Variants in CCDC85C observed in about 807,000 individuals in gnomAD.
The protein encoded by CCDC85C is coiled-coil domain-containing protein 85C.
In CCDC85C, 18 loss-of-function variants were observed where a neutral mutation model predicts 38.3. That is an observed-to-expected ratio of 0.47 (90% confidence interval 0.33 to 0.70). The LOEUF (loss-of-function observed/expected upper bound fraction) is 0.70. Ranked by LOEUF, CCDC85C falls within the 30% of genes least tolerant of loss-of-function variation. The probability of loss-of-function intolerance (pLI) is 0.03; values close to 1 mark genes in which losing one functional copy is unlikely to be tolerated. For synonymous variants in CCDC85C, 264 were observed against 293.8 expected, an observed-to-expected ratio of 0.90 and a Z score of 1.04; for missense variants, 566 against 621.2, an observed-to-expected ratio of 0.91 and a Z score of 0.94.
At position 99,517,115 on chromosome 14, in the gene CCDC85C, C is replaced by A; in HGVS notation, c.1044G>T (p.Lys348Asn). The change falls in exon 4 of 6, where the codon AAG becomes AAT. Residue 348 changes from lysine (K) to asparagine (N), a missense_variant. Physicochemically the swap from Lys to Asn is moderately conservative, Grantham distance 94. This residue lies in a region of CCDC85C where 286 missense variants were observed against 276.4 expected (regional missense o/e 1.03). Coordinates refer to ENST00000380243, the MANE Select transcript of CCDC85C (RefSeq NM_001144995.2). The stretch of plus-strand genomic sequence containing the variant: ...TCATGGCATGCACGACAGCCTCGGG[C>A]TTCTGTCCTGCAGGGCTGTAGCCAG... ...PSAGYSPAGQ[K>N]PEAVVHAMKV... is the part of the protein sequence containing the mutation. 4 of 1,550,506 alleles carry A rather than the reference C, an allele frequency of 2.6e-6. No individual in the cohort carries two copies. Among genetic ancestry groups the A allele is most frequent in the Non-Finnish European group, 3.5e-6 (4 of 1,146,912 alleles).
chr14:99,580,218 C>G (rs2054951767), intron 1 of CCDC85C: 1 of 431,712 alleles, frequency 2.3e-6, no homozygotes. Flanking sequence ...CTCGGCAGGC[C>G]CAGCCCCCAG....
intron 1 of CCDC85C, among the ~76,000 whole-genome samples, chr14:99,571,037 G>GCCCTGCCAC (rs1898329280): frequency 6.6e-6 from 1 of 152,102 alleles, no homozygotes; most frequent in African/African-American, 2.4e-5. Context: ...TGTCCGGCCA[G>GCCCTGCCAC]CCCTGCCACC....
rs1231545511 is a variant in CCDC85C, at chr14:99,510,728, C to G, written c.*4518G>C. The G allele has an allele frequency of 1.4e-6, 2 of 1,438,532 alleles. No homozygotes were observed. The highest frequency in any genetic ancestry group is 5.2e-5 in the East Asian group (2 of 38,624). 89.1% of individuals were successfully genotyped at this position (1,438,532 alleles called of 1,614,324 possible). A position where few individuals can be genotyped will look rare whatever the true frequency, so the allele number is the denominator to read the frequency against. On this transcript the variant is annotated 3_prime_UTR_variant, in exon 6 of 6. Coordinates refer to ENST00000380243, the MANE Select transcript of CCDC85C (RefSeq NM_001144995.2). ...AGCCTCCTGTGCCCCCGCCCATTCCCCCACCCGGCATGCCTCCAGTTGGGG... is the reference window on the plus strand; with the variant it reads ...AGCCTCCTGTGCCCCCGCCCATTCCGCCACCCGGCATGCCTCCAGTTGGGG...
chr14:99,501,378 G>C lies in CCDC85C; in HGVS notation c.*13868C>G. 1 of 1,606,706 alleles carries C rather than the reference G, an allele frequency of 6.2e-7. No individual in the cohort carries two copies. On this transcript the variant is annotated 3_prime_UTR_variant, in exon 6 of 6. Transcript: ENST00000380243. ...TAGGTGATAAAAACAAAATTCAAAA[G>C]TTGGTTCAAATGGCATGGACATTTG...
intron 2 of CCDC85C, chr14:99,522,868 C>G (rs1445017691): frequency 6.6e-6 from 1 of 152,342 alleles, no homozygotes; most frequent in South Asian, 2.1e-4. Context: ...GGCCTTAGAC[C>G]CTTTGCTTAA....
chr14:99,527,247 T>C (rs1285621080), intron 2 of CCDC85C, among the ~76,000 whole-genome samples: 8 of 152,216 alleles, frequency 5.3e-5, no homozygotes, highest in African/African-American at 1.4e-4. Flanking sequence ...TCTGTCTGCA[T>C]GGCTGGACAG....
rs1333001178 is a variant in CCDC85C at position 99,511,139 on chromosome 14, T to C, written c.*4107A>G. 2.3e-5 allele frequency: 4 copies of C among 172,220 alleles called. No homozygotes were observed. The highest frequency in any genetic ancestry group is 9.5e-5 in the African/African-American group (4 of 42,306). The allele number at this position is 172,220 out of a possible 1,614,324, so 10.7% of individuals were successfully genotyped here. A position where few individuals can be genotyped will look rare whatever the true frequency, so the allele number is the denominator to read the frequency against. On this transcript the variant is annotated 3_prime_UTR_variant, in exon 6 of 6. Coordinates refer to ENST00000380243, the MANE Select transcript of CCDC85C (RefSeq NM_001144995.2). ...TAATTTCCTTCTAGAAATCAGTGCC[T>C]ATTTTTCCTGGAAACTCAATTTTAA...
rs1896979899 is a variant in CCDC85C, at chr14:99,506,522, TC to T, written c.*8723del. 1.3e-5 allele frequency: 2 copies of T among 153,880 alleles called. No individual in the cohort carries two copies. Among genetic ancestry groups the T allele is most frequent in the South Asian group, 4.1e-4 (2 of 4,916 alleles). 9.5% of individuals were successfully genotyped at this position (153,880 alleles called of 1,614,324 possible). ...TGGGCTTTTGTGAGCGGCACATTCT[TC>T]CTGCCATCAGTGTGTCAACCTCCAG... On this transcript the variant is annotated 3_prime_UTR_variant, in exon 6 of 6. Transcript: ENST00000380243.
In CCDC85C at chr14:99,571,995, G is replaced by A. The variant is rs138688307; in HGVS notation, c.793+31172C>T. On this transcript the variant is annotated intron_variant, in intron 1 of 5. Coordinates refer to ENST00000380243, the MANE Select transcript of CCDC85C (RefSeq NM_001144995.2). ...GGAGGGGACAAGGAGTGAGGCATGTGGGCCAAGGAGCTGGAGACTGCCTGC... is the reference window on the plus strand; with the variant it reads ...GGAGGGGACAAGGAGTGAGGCATGTAGGCCAAGGAGCTGGAGACTGCCTGC... 4.3e-3 allele frequency among the ~76,000 whole-genome samples: 659 copies of A among 152,316 alleles called. 2 individuals carry two copies. Among genetic ancestry groups the A allele is most frequent in the Middle Eastern group, 0.01 (3 of 292 alleles).
At chr14:99,551,647 G>A (rs1897911810) in intron 1 of CCDC85C, among the ~76,000 whole-genome samples, 1 of 148,100 alleles carries the variant, frequency 6.8e-6, no homozygotes, top group Non-Finnish European at 1.5e-5. Flanking sequence ...TGAGAGGTGA[G>A]TGTGCAGGTG....
At chr14:99,586,504 T>A (rs1392882020) in intron 1 of CCDC85C, among the ~76,000 whole-genome samples, 1 of 152,178 alleles carries the variant, frequency 6.6e-6, no homozygotes, top group East Asian at 1.9e-4. Flanking sequence ...CACTAGAATA[T>A]GCTAGAGTGG....
intron 1 of CCDC85C, among the ~76,000 whole-genome samples, chr14:99,583,541 T>C (rs1236055540): frequency 6.8e-6 from 1 of 148,028 alleles, no homozygotes; most frequent in East Asian, 2.0e-4. Context: ...GCACAGTGGC[T>C]CATGCCTGTT....
In CCDC85C at chr14:99,533,622, G is replaced by A. The variant is rs1245617431; in HGVS notation, c.867+2393C>T. On this transcript the variant is annotated intron_variant, in intron 2 of 5. Coordinates refer to ENST00000380243, the MANE Select transcript of CCDC85C (RefSeq NM_001144995.2). The surrounding 1 kb of genome is among the most constrained non-coding windows in gnomAD (Gnocchi z 4.2). ...CCCCAGCCATCAGGATCTGATGTCG[G>A]TGCCCTGCAGACCTGGCCCACGGAT... is the stretch of plus-strand genomic sequence containing the variant. Among the ~76,000 whole-genome samples, 2 of 152,238 alleles carry A rather than the reference G, an allele frequency of 1.3e-5. No homozygotes were observed. Among genetic ancestry groups the A allele is most frequent in the African/African-American group, 4.8e-5 (2 of 41,464 alleles).
chr14:99,522,429 C>T, intron 2 of CCDC85C, 189 bp from the exon 3 acceptor site: 1 of 525,590 alleles, frequency 1.9e-6, no homozygotes, highest in South Asian at 2.5e-5. Context: ...CTCCCCAGCT[C>T]AAATGTCAGC....
intron 1 of CCDC85C, among the ~76,000 whole-genome samples, chr14:99,597,953 A>G (rs1373538358): frequency 6.6e-6 from 1 of 152,228 alleles, no homozygotes; most frequent in Non-Finnish European, 1.5e-5. Flanking sequence ...GCCTCAGGAT[A>G]TAGATGAAGA....
At chr14:99,556,519 G>T (rs913756175) in intron 1 of CCDC85C, among the ~76,000 whole-genome samples, 2 of 152,062 alleles carry the variant, frequency 1.3e-5, no homozygotes, top group Non-Finnish European at 2.9e-5. Context: ...CTATATGAAA[G>T]TTCTCGTTCT....
intron 1 of CCDC85C, among the ~76,000 whole-genome samples, chr14:99,573,289 A>T (rs1417005671): frequency 6.6e-6 from 1 of 152,186 alleles, no homozygotes; most frequent in Non-Finnish European, 1.5e-5. Context: ...AGGAACCCTC[A>T]GGGAGCCGGC....
chr14:99,527,729 G>A (rs555099836), intron 2 of CCDC85C, among the ~76,000 whole-genome samples: 4 of 152,126 alleles, frequency 2.6e-5, no homozygotes, highest in Non-Finnish European at 4.4e-5. Context: ...CCTCCCTCAA[G>A]GACCCAGGCA....
At chr14:99,565,155 G>A (rs1898191392) in intron 1 of CCDC85C, among the ~76,000 whole-genome samples, 1 of 152,176 alleles carries the variant, frequency 6.6e-6, no homozygotes, top group Non-Finnish European at 1.5e-5. Context: ...ATGGCCACTT[G>A]GGGATGATGG....
Sources: allele counts gnomAD v4.1 joint callset (sites outside exome capture counted in the v4.1 genomes callset), GRCh38; gene constraint gnomAD v4.1.1; regional missense constraint gnomAD v4.1.1; non-coding constraint Gnocchi (gnomAD v3.1); transcripts MANE v1.5; gene names NCBI Gene and HGNC (gene_info 2026-07-23, HGNC 2026-07-21).